The following JDP2 variants were observed in gnomAD, a reference collection of about 807,000 sequenced individuals.
JDP2 encodes the protein progesterone receptor co-activator.
A neutral mutation model predicts 17.1 loss-of-function variants in JDP2; 9 were observed. The ratio of observed to expected loss-of-function variants is 0.53; its 90% CI spans 0.32 to 0.92. The LOEUF (loss-of-function observed/expected upper bound fraction) is 0.92, where lower values mean the gene tolerates loss of function less well. Ranked by LOEUF, JDP2 falls within the 40% of genes least tolerant of loss-of-function variation. JDP2 has a pLI of 0.04. For synonymous variants in JDP2, 107 were observed against 95.6 expected (o/e 1.12, Z -0.69); for missense variants, 179 against 220.0 (o/e 0.81, Z 1.18).
intron 3 of JDP2, among the ~76,000 whole-genome samples, chr14:75,468,075 G>C (rs1886647396): frequency 6.6e-6 from 1 of 152,154 alleles, no homozygotes; most frequent in Non-Finnish European, 1.5e-5. Context: ...CGCTCCACCT[G>C]TACCCTGCCA....
chr14:75,465,717 G>A (rs748549757), intron 3 of JDP2, among the ~76,000 whole-genome samples: 2 of 152,190 alleles, frequency 1.3e-5, no homozygotes, highest in African/African-American at 2.4e-5. Flanking sequence ...AGGAAGTGAC[G>A]TGGCCAAGTT....
chr14:75,448,801 C>T (rs1885722298), intron 2 of JDP2, among the ~76,000 whole-genome samples: 2 of 152,062 alleles, frequency 1.3e-5, no homozygotes, highest in South Asian at 4.1e-4. Flanking sequence ...TTTGCTGCCA[C>T]TGACCCAGAG....
At chr14:75,440,922 G>A (rs1473994521) in intron 2 of JDP2, among the ~76,000 whole-genome samples, 2 of 152,370 alleles carry the variant, frequency 1.3e-5, no homozygotes. Flanking sequence ...AGCTCAGGCA[G>A]TCTGCCTTGA....
chr14:75,434,396 G>T (rs781424520), intron 1 of JDP2, among the ~76,000 whole-genome samples: 1 of 152,068 alleles, frequency 6.6e-6, no homozygotes, highest in African/African-American at 2.4e-5. Flanking sequence ...GGGCTTTGTG[G>T]TTTATATCTG....
chr14:75,451,416 G>T (rs1369296281), intron 2 of JDP2, among the ~76,000 whole-genome samples: 1 of 152,160 alleles, frequency 6.6e-6, no homozygotes, highest in Non-Finnish European at 1.5e-5. Flanking sequence ...GGTGTGGGGA[G>T]GCAGGTAGTG....
intron 1 of JDP2, among the ~76,000 whole-genome samples, chr14:75,433,399 GA>G (rs1480150276): frequency 4.0e-5 from 6 of 150,886 alleles, no homozygotes; most frequent in Non-Finnish European, 1.5e-5. Flanking sequence ...TCTTTTCTCT[GA>G]AATGACACTT....
intron 2 of JDP2, among the ~76,000 whole-genome samples, chr14:75,449,322 G>A (rs1442039863): frequency 6.6e-6 from 1 of 152,186 alleles, no homozygotes; most frequent in African/African-American, 2.4e-5. Context: ...TTTCAGAACA[G>A]CCTTGTTCAT....
chr14:75,463,928 C>A (rs1315099367), intron 3 of JDP2, among the ~76,000 whole-genome samples: 3 of 152,222 alleles, frequency 2.0e-5, no homozygotes, highest in Non-Finnish European at 4.4e-5. Context: ...TGAAGGGCTG[C>A]AGGAGGGGAG....
intron 3 of JDP2, among the ~76,000 whole-genome samples, chr14:75,462,644 G>A (rs79408705): frequency 9.2e-5 from 14 of 152,290 alleles, no homozygotes; most frequent in South Asian, 2.1e-4. Context: ...ATGTGCATCC[G>A]TGTGTTGGGT....
chr14:75,464,410 A>G (rs948304543), intron 3 of JDP2, among the ~76,000 whole-genome samples: 2 of 152,210 alleles, frequency 1.3e-5, no homozygotes, highest in Non-Finnish European at 2.9e-5. Flanking sequence ...TCAGAAAAAA[A>G]AGCATCTGTA....
Position 75,461,625 on chromosome 14 carries a change from A to G in JDP2, c.306+95A>G, listed in dbSNP as rs76015340. ...AGGCCATCAGATGTCTCTGTAGTCA[A>G]TGAGCATCTGCTGGCAGCTGCCAAA... is the stretch of plus-strand genomic sequence containing the variant. On this transcript the variant is annotated intron_variant, in intron 3 of 3. Coordinates refer to ENST00000651602, the MANE Select transcript of JDP2 (RefSeq NM_001135048.2). 0.044 allele frequency: 41,728 copies of G among 949,000 alleles called. 1,203 individuals are homozygous for G. The highest frequency in any genetic ancestry group is 0.056 in the Non-Finnish European group (34,449 of 610,554). 58.8% of individuals were successfully genotyped at this position (949,000 alleles called of 1,614,324 possible).
intron 1 of JDP2, among the ~76,000 whole-genome samples, chr14:75,433,195 CAAAAAAAAAAAAAAA>C (rs780191475): frequency 5.2e-5 from 1 of 19,374 alleles, no homozygotes; most frequent in Non-Finnish European, 9.6e-5. Flanking sequence ...AACTCCGTCT[CAAAAAAAAAAAAAAA>C]AAAAAAAAAA....
At chr14:75,457,775 C>T (rs1008266141) in intron 2 of JDP2, among the ~76,000 whole-genome samples, 1 of 152,242 alleles carries the variant, frequency 6.6e-6, no homozygotes, top group South Asian at 2.1e-4. Context: ...CAAATCTAAA[C>T]TCTGCCTTCA....
At chr14:75,464,974 C>T (rs1357943312) in intron 3 of JDP2, among the ~76,000 whole-genome samples, 4 of 152,196 alleles carry the variant, frequency 2.6e-5, no homozygotes, top group African/African-American at 9.7e-5. Flanking sequence ...CCGTGGTGCC[C>T]TCTGGTCTTC....
At chr14:75,444,547 G>C (rs1305680982) in intron 2 of JDP2, among the ~76,000 whole-genome samples, 1 of 152,144 alleles carries the variant, frequency 6.6e-6, no homozygotes, top group East Asian at 1.9e-4. Context: ...GCACAACCTT[G>C]GGAAAGTTAG....
intron 2 of JDP2, among the ~76,000 whole-genome samples, chr14:75,441,886 G>A (rs777572703): frequency 6.6e-6 from 1 of 152,114 alleles, no homozygotes; most frequent in Admixed American, 6.5e-5. Flanking sequence ...AGCGAGCTGT[G>A]GCTGTGGTGG....
At position 75,459,380 on chromosome 14, in the gene JDP2, G is replaced by C. The variant is rs61278555; in HGVS notation, c.202-2046G>C. 3.4e-3 allele frequency among the ~76,000 whole-genome samples: 524 copies of C among 152,352 alleles called. 3 individuals are homozygous for C. The highest frequency in any genetic ancestry group is 0.012 in the African/African-American group (499 of 41,590). ...GGTTCAGTTTCAAAGAAGGCCAAGG[G>C]ACTGGGAGGTGCTTGGGTGTGGCGG... On this transcript the variant is annotated intron_variant, in intron 2 of 3. Coordinates refer to ENST00000651602, the MANE Select transcript of JDP2 (RefSeq NM_001135048.2).
intron 2 of JDP2, among the ~76,000 whole-genome samples, chr14:75,438,358 G>T (rs1416848889): frequency 6.6e-6 from 1 of 152,134 alleles, no homozygotes; most frequent in Non-Finnish European, 1.5e-5. Context: ...CTGGGCCAGG[G>T]GAGGATGTTT....
intron 2 of JDP2, among the ~76,000 whole-genome samples, chr14:75,439,345 G>T (rs546521886): frequency 1.3e-5 from 2 of 152,224 alleles, no homozygotes; most frequent in Non-Finnish European, 2.9e-5. Flanking sequence ...GGCCGGCTCA[G>T]TGTTTTAAAA....
Sources: allele counts gnomAD v4.1 joint callset (sites outside exome capture counted in the v4.1 genomes callset), GRCh38; gene constraint gnomAD v4.1.1; transcripts MANE v1.5; gene names NCBI Gene and HGNC (gene_info 2026-07-23, HGNC 2026-07-21).